Variants in SMARCC1 observed in about 807,000 individuals in gnomAD.
The protein encoded by SMARCC1 is SWI/SNF complex subunit SMARCC1.
Under a neutral mutation model 147.4 loss-of-function variants are expected in SMARCC1, and 43 were observed. That is an observed-to-expected ratio of 0.29 (90% CI 0.23 to 0.38). The LOEUF is 0.38. Among genes scored for constraint, SMARCC1 ranks in the 10% least tolerant of loss-of-function variants. SMARCC1 has a pLI of 1.00. For missense variants in SMARCC1, 1,119 were observed against 1,381.1 expected (o/e 0.81, Z 3.01); for synonymous variants, 495 against 484.4 (o/e 1.02, Z -0.29).
chr3:47,745,308 T>C (rs1308040953), intron 3 of SMARCC1, among the ~76,000 whole-genome samples: 2 of 152,180 alleles, frequency 1.3e-5, no homozygotes, highest in Non-Finnish European at 2.9e-5. Context: ...TCAAATATAA[T>C]GTATGAGTTC....
chr3:47,616,629 A>C (rs1383003860), intron 25 of SMARCC1, among the ~76,000 whole-genome samples: 1 of 151,924 alleles, frequency 6.6e-6, no homozygotes, highest in African/African-American at 2.4e-5. Context: ...TATTTTTAGT[A>C]GAGACGGGGT....
intron 21 of SMARCC1, among the ~76,000 whole-genome samples, chr3:47,652,701 T>C (rs1038438692): frequency 6.6e-6 from 1 of 150,946 alleles, no homozygotes; most frequent in Admixed American, 6.6e-5. Context: ...AAAATCCCTA[T>C]ACAATGTGGA....
At chr3:47,619,527 C>A (rs2032697213) in intron 25 of SMARCC1, among the ~76,000 whole-genome samples, 1 of 152,208 alleles carries the variant, frequency 6.6e-6, no homozygotes, top group South Asian at 2.1e-4. Context: ...AAAAGTGGGG[C>A]AAAGGGCCTT....
At chr3:47,749,696 G>C (rs373675995) in intron 2 of SMARCC1, among the ~76,000 whole-genome samples, 37 of 15,878 alleles carry the variant, frequency 2.3e-3, no homozygotes, top group Middle Eastern at 0.056. Flanking sequence ...CACACAAAGT[G>C]AGACCCTCTA....
chr3:47,657,895 C>T (rs2033285380), intron 21 of SMARCC1, among the ~76,000 whole-genome samples: 1 of 151,748 alleles, frequency 6.6e-6, no homozygotes, highest in South Asian at 2.1e-4. Flanking sequence ...GTCGCAAAAG[C>T]AGTGCTGAGG....
At chr3:47,595,423 A>G (rs2032257968) in intron 26 of SMARCC1, among the ~76,000 whole-genome samples, 1 of 151,974 alleles carries the variant, frequency 6.6e-6, no homozygotes, top group Non-Finnish European at 1.5e-5. Flanking sequence ...GCTACTCGGG[A>G]GGCTGAGGCA....
intron 24 of SMARCC1, among the ~76,000 whole-genome samples, chr3:47,626,848 C>A (rs1409655142): frequency 6.6e-6 from 1 of 152,070 alleles, no homozygotes; most frequent in Non-Finnish European, 1.5e-5. Flanking sequence ...AGTATGATCA[C>A]CCTGCTGGAA....
chr3:47,736,759 A>C (rs2034449064), intron 4 of SMARCC1, among the ~76,000 whole-genome samples: 1 of 152,108 alleles, frequency 6.6e-6, no homozygotes, highest in Non-Finnish European at 1.5e-5. Context: ...TAACTCCCCA[A>C]ATCATGAAGA....
At chr3:47,697,820 A>T (rs2033871465) in intron 11 of SMARCC1, among the ~76,000 whole-genome samples, 1 of 151,232 alleles carries the variant, frequency 6.6e-6, no homozygotes, top group Non-Finnish European at 1.5e-5. Flanking sequence ...ATCCTGGCTA[A>T]CATGGTGAAA....
At position 47,598,873 on chromosome 3, in the gene SMARCC1, A is replaced by C. The variant is rs1049717234; in HGVS notation, c.3044-8036T>G. 1.5e-4 allele frequency among the ~76,000 whole-genome samples: 22 copies of C among 149,166 alleles called. 1 individual carries two copies. Among genetic ancestry groups the C allele is most frequent in the Non-Finnish European group, 3.0e-4 (20 of 67,272 alleles). ...AAAAGAGAGAGAGAGACACACACAC[A>C]CACACACACACACACAGAGACAAAG... On this transcript the variant is annotated intron_variant, in intron 26 of 27. Coordinates refer to ENST00000254480, the MANE Select transcript of SMARCC1 (RefSeq NM_003074.4).
chr3:47,592,617 C>T (rs2032202643), intron 26 of SMARCC1, among the ~76,000 whole-genome samples: 1 of 152,146 alleles, frequency 6.6e-6, no homozygotes, highest in Non-Finnish European at 1.5e-5. Context: ...TTTGTTGAGA[C>T]AGAGTCTCAT....
At chr3:47,638,898 T>C (rs2033010699) in intron 21 of SMARCC1, 118 bp from the exon 22 acceptor site, 2 of 731,974 alleles carry the variant, frequency 2.7e-6, no homozygotes, top group Non-Finnish European at 4.8e-6. Context: ...ACGAATATCA[T>C]AGCCATACAG....
intron 19 of SMARCC1, among the ~76,000 whole-genome samples, chr3:47,669,452 C>T (rs1559640192): frequency 6.6e-6 from 1 of 151,970 alleles, no homozygotes; most frequent in African/African-American, 2.4e-5. Context: ...ACTGAAAACA[C>T]GGTTCATTTT....
chr3:47,626,518 G>C lies in SMARCC1; in HGVS notation c.2647-4177C>G, dbSNP rs146262842. 7.2e-4 allele frequency among the ~76,000 whole-genome samples: 108 copies of C among 150,492 alleles called. 1 individual carries two copies. Among genetic ancestry groups the C allele is most frequent in the African/African-American group, 2.5e-3 (104 of 41,094 alleles). ...AAAAGGAAAAAGAAAAAAGAGACGA[G>C]TAAATGGCAGAGCTGGAACTAAAAA... On this transcript the variant is annotated intron_variant, in intron 24 of 27. Transcript: ENST00000254480.
chr3:47,598,127 T>C (rs1420403351), intron 26 of SMARCC1, among the ~76,000 whole-genome samples: 2 of 152,192 alleles, frequency 1.3e-5, no homozygotes, highest in Non-Finnish European at 2.9e-5. Context: ...GTTCTCTTCC[T>C]ACCCCACATC....
intron 2 of SMARCC1, among the ~76,000 whole-genome samples, chr3:47,759,934 T>C (rs1025344384): frequency 2.0e-5 from 3 of 149,458 alleles, no homozygotes; most frequent in Non-Finnish European, 4.4e-5. Flanking sequence ...CGAGACTCCA[T>C]CTCCAGAAAA....
chr3:47,621,131 C>T (rs1302890601), intron 25 of SMARCC1, among the ~76,000 whole-genome samples: 2 of 151,986 alleles, frequency 1.3e-5, no homozygotes, highest in Non-Finnish European at 2.9e-5. Flanking sequence ...GAAACCCCGT[C>T]TCTACTAAAA....
chr3:47,658,049 GAACAGAA>G (rs1487624102), intron 21 of SMARCC1, among the ~76,000 whole-genome samples: 1 of 151,838 alleles, frequency 6.6e-6, no homozygotes. Flanking sequence ...AGAAATTATA[GAACAGAA>G]AAACAGAGAA....
Position 47,586,781 on chromosome 3 carries a change from A to C in SMARCC1, c.*1428T>G, listed in dbSNP as rs2032077676. ...GCGCTTTGGAAACCAAGCTCTACCA[A>C]AAACACCCTTTCCCCACACATGGAA... On this transcript the variant is annotated 3_prime_UTR_variant, in exon 28 of 28. Transcript: ENST00000254480. 1 of 152,568 alleles carries C rather than the reference A, an allele frequency of 6.6e-6. No individual in the cohort carries two copies. The allele number at this position is 152,568 out of a possible 1,614,324, so 9.5% of individuals were successfully genotyped here. A position where few individuals can be genotyped will look rare whatever the true frequency, so the allele number is the denominator to read the frequency against.
Sources: gnomAD v4.1 joint callset for allele counts (sites outside exome capture counted in the v4.1 genomes callset) on GRCh38, gnomAD v4.1.1 for gene constraint, MANE v1.5 for transcripts, NCBI Gene and HGNC (gene_info 2026-07-23, HGNC 2026-07-21) for gene names.